The following B3GLCT variants were observed in gnomAD, a reference collection of about 807,000 sequenced individuals.
The protein encoded by B3GLCT is beta 3-glucosyltransferase.
In B3GLCT, 65 loss-of-function variants were observed where a neutral mutation model predicts 63.4. The observed-to-expected ratio is 1.03, with a 90% CI of 0.84 to 1.26. The LOEUF (loss-of-function observed/expected upper bound fraction) is 1.26, where lower values mean the gene tolerates loss of function less well. B3GLCT is among the 50% of genes most tolerant of loss of function. B3GLCT has a pLI of 0.00. For missense variants in B3GLCT, 577 were observed against 604.8 expected (o/e 0.95, Z 0.48); for synonymous variants, 233 against 219.2 (o/e 1.06, Z -0.55).
chr13:31,289,251 C>G (rs1849165), intron 12 of B3GLCT, among the ~76,000 whole-genome samples: 3 of 152,136 alleles, frequency 2.0e-5, no homozygotes, highest in South Asian at 4.2e-4. Context: ...TCTAGGACTA[C>G]ACAAAATGAC....
At chr13:31,275,358 T>C (rs1872734401) in intron 9 of B3GLCT, among the ~76,000 whole-genome samples, 1 of 152,230 alleles carries the variant, frequency 6.6e-6, no homozygotes, top group South Asian at 2.1e-4. Context: ...GGCTCCCCTT[T>C]ACTCCAGAGC....
chr13:31,324,704 T>C (rs140493965), intron 14 of B3GLCT, among the ~76,000 whole-genome samples: 25 of 152,310 alleles, frequency 1.6e-4, no homozygotes, highest in African/African-American at 5.1e-4. Context: ...GAAAATACTT[T>C]TTTTATGCCT....
intron 12 of B3GLCT, among the ~76,000 whole-genome samples, chr13:31,316,407 T>TATATATATATATATATATA (rs1555255282): frequency 7.3e-5 from 3 of 40,870 alleles, no homozygotes; most frequent in South Asian, 2.4e-3. Context: ...TTTGGAGGTT[T>TATATATATATATATATATA]TATATATATA....
chr13:31,255,531 A>G (rs1049938428), intron 6 of B3GLCT, among the ~76,000 whole-genome samples: 4 of 152,230 alleles, frequency 2.6e-5, no homozygotes, highest in Non-Finnish European at 5.9e-5. Flanking sequence ...TGGAGGCATC[A>G]TGCTACCTGA....
At chr13:31,266,163 A>G (rs1872305165) in intron 7 of B3GLCT, among the ~76,000 whole-genome samples, 1 of 151,298 alleles carries the variant, frequency 6.6e-6, no homozygotes, top group African/African-American at 2.4e-5. Flanking sequence ...ACACCCGCCT[A>G]ATATTTTTGT....
intron 7 of B3GLCT, among the ~76,000 whole-genome samples, chr13:31,262,337 C>T (rs1287424297): frequency 1.3e-5 from 2 of 152,256 alleles, no homozygotes; most frequent in African/African-American, 4.8e-5. Flanking sequence ...AGATCTTCGA[C>T]TCACGCACTC....
In B3GLCT at chr13:31,284,669, G is replaced by C; in HGVS notation, c.872G>C (p.Trp291Ser). Residue 291 changes from tryptophan (W) to serine (S), a missense_variant, in exon 11 of 15, where the codon TGG (tryptophan) becomes TCG (serine). Physicochemically the swap from Trp to Ser is radical, Grantham distance 177. Transcript: ENST00000343307. Reference sequence around the variant, plus strand: ...TCAGTACCTATTGTTAAGCAGACTTGGGAGAGCCAGGCAAGTCTCATTGAA... The same window carrying C: ...TCAGTACCTATTGTTAAGCAGACTTCGGAGAGCCAGGCAAGTCTCATTGAA... Reference protein sequence around the residue: ...GDRIPIVKQTWESQASLIEYY... With the variant: ...GDRIPIVKQTSESQASLIEYY... 1 of 1,607,620 alleles carries C rather than the reference G, an allele frequency of 6.2e-7. No homozygotes were observed. The highest frequency in any genetic ancestry group is 8.5e-7 in the Non-Finnish European group (1 of 1,174,152).
In B3GLCT at chr13:31,286,838, C is replaced by T. The variant is rs766986829; in HGVS notation, c.1064+19C>T. On this transcript the variant is annotated intron_variant, in intron 12 of 14. Transcript: ENST00000343307. ...TAATAAGGTAAGGAGTCATTCTCAT[C>T]CTAAATGGCTTTAAATTCTACATAT... The T allele has an allele frequency of 5.9e-6, 9 of 1,521,728 alleles. No individual in the cohort carries two copies. In the East Asian group the frequency reaches 2.0e-4, roughly 34 times the overall value. The allele number at this position is 1,521,728 out of a possible 1,614,324, so 94.3% of individuals were successfully genotyped here.
chr13:31,265,416 T>C (rs1294375011), intron 7 of B3GLCT, among the ~76,000 whole-genome samples: 1 of 152,198 alleles, frequency 6.6e-6, no homozygotes, highest in Non-Finnish European at 1.5e-5. Flanking sequence ...TCCCTTTGTG[T>C]CCTTTCCTTG....
rs888250895 is a variant in B3GLCT, at chr13:31,208,622, C to G, written c.71-6429C>G. The stretch of plus-strand genomic sequence containing the variant: ...TGCAGCTTCTGCTTCTTTAGTGGCC[C>G]CCCCCCCCCGCTCACTGCCACCTTC... On this transcript the variant is annotated intron_variant, in intron 1 of 14. Transcript: ENST00000343307. Among the ~76,000 whole-genome samples the G allele has an allele frequency of 1.1e-3, 124 of 114,226 alleles. 2 individuals carry two copies. The highest frequency in any genetic ancestry group is 1.8e-3 in the Non-Finnish European group (102 of 58,188). The allele number at this position is 114,226 out of a possible 152,430, so 74.9% of individuals were successfully genotyped here.
chr13:31,279,022 C>G (rs1358686252), intron 10 of B3GLCT, among the ~76,000 whole-genome samples: 1 of 152,178 alleles, frequency 6.6e-6, no homozygotes, highest in Middle Eastern at 3.2e-3. Flanking sequence ...CACAGCTATA[C>G]TGTAATCTCC....
At chr13:31,275,278 TGAGAA>T (rs1221947946) in intron 9 of B3GLCT, among the ~76,000 whole-genome samples, 1 of 152,228 alleles carries the variant, frequency 6.6e-6, no homozygotes, top group African/African-American at 2.4e-5. Context: ...ATCTTACAAA[TGAGAA>T]GAGAGAGGCA....
Position 31,330,722 on chromosome 13 carries a change from CAT to C in B3GLCT, c.*1057_*1058del, listed in dbSNP as rs1002352312. The stretch of plus-strand genomic sequence containing the variant: ...ATATCTTTAATATATAGTAATGTAA[CAT>C]ATTCAGTATTAATGTATAAAAAGCA... On this transcript the variant is annotated 3_prime_UTR_variant, in exon 15 of 15. Transcript: ENST00000343307. 1 of 151,808 alleles carries C rather than the reference CAT, an allele frequency of 6.6e-6. No individual in the cohort carries two copies. Among genetic ancestry groups the C allele is most frequent in the African/African-American group, 2.4e-5 (1 of 41,290 alleles). The allele number at this position is 151,808 out of a possible 1,614,324, so 9.4% of individuals were successfully genotyped here. A position where few individuals can be genotyped will look rare whatever the true frequency, so the allele number is the denominator to read the frequency against.
chr13:31,236,167 A>G (rs1490115488), intron 4 of B3GLCT, among the ~76,000 whole-genome samples: 2 of 152,216 alleles, frequency 1.3e-5, no homozygotes, highest in African/African-American at 2.4e-5. Context: ...TGCATCCCGC[A>G]TAGCACGTAG....
chr13:31,226,611 T>TC (rs1870116419), intron 3 of B3GLCT, among the ~76,000 whole-genome samples: 1 of 152,142 alleles, frequency 6.6e-6, no homozygotes, highest in African/African-American at 2.4e-5. Flanking sequence ...TATTTTTATT[T>TC]TTTTTTAGAG....
intron 8 of B3GLCT, among the ~76,000 whole-genome samples, chr13:31,272,080 CT>C (rs1319434117): frequency 6.6e-6 from 1 of 152,064 alleles, no homozygotes; most frequent in Non-Finnish European, 1.5e-5. Flanking sequence ...GAGGACATGC[CT>C]TTTCCCCCCA....
intron 7 of B3GLCT, among the ~76,000 whole-genome samples, chr13:31,264,643 A>C (rs1022842364): frequency 1.8e-4 from 27 of 152,326 alleles, no homozygotes; most frequent in African/African-American, 4.8e-4. Flanking sequence ...TATATTTTAA[A>C]ATGGCTTTCT....
At chr13:31,327,129 G>GT (rs1875666837) in intron 14 of B3GLCT, among the ~76,000 whole-genome samples, 1 of 152,140 alleles carries the variant, frequency 6.6e-6, no homozygotes, top group Admixed American at 6.5e-5. Context: ...CGTATACTAT[G>GT]TTTTTTCTTA....
At position 31,211,559 on chromosome 13, in the gene B3GLCT, G is replaced by C. The variant is rs184928979; in HGVS notation, c.71-3492G>C. Among the ~76,000 whole-genome samples the C allele has an allele frequency of 2.7e-3, 408 of 151,108 alleles. 4 individuals carry two copies. Among genetic ancestry groups the C allele is most frequent in the Non-Finnish European group, 4.9e-3 (332 of 67,854 alleles). On this transcript the variant is annotated intron_variant, in intron 1 of 14. Transcript: ENST00000343307. The stretch of plus-strand genomic sequence containing the variant: ...GGTATTTTAAATTTCACAGCAGAGT[G>C]ATAAGAAATGACAGACTTTTTTGGT...
Sources: allele counts gnomAD v4.1 joint callset (sites outside exome capture counted in the v4.1 genomes callset), GRCh38; gene constraint gnomAD v4.1.1; transcripts MANE v1.5; gene names NCBI Gene and HGNC (gene_info 2026-07-23, HGNC 2026-07-21).